MB: variants seen among roughly 807,000 people sequenced by gnomAD.
MB encodes the protein nitrite reductase MB.
MB carries 10 observed loss-of-function variants against 14.5 expected under a neutral mutation model. That is an observed-to-expected ratio of 0.69 (90% CI 0.43 to 1.17). The LOEUF is 1.17. MB is among the 50% of genes most tolerant of loss of function. The probability of loss-of-function intolerance (pLI) is 0.00; values close to 1 mark genes in which losing one functional copy is unlikely to be tolerated. For synonymous variants in MB, 89 were observed against 78.6 expected (o/e 1.13, Z -0.70); for missense variants, 169 against 192.7 (o/e 0.88, Z 0.73).
chr22:35,622,982 T>TG (rs1923565928), intron 1 of MB, among the ~76,000 whole-genome samples: 1 of 152,196 alleles, frequency 6.6e-6, no homozygotes, highest in Admixed American at 6.5e-5. Context: ...TCTCTTGCTT[T>TG]GGGGTGCACC....
chr22:35,616,289 A>G (rs927376516), intron 1 of MB, among the ~76,000 whole-genome samples: 3 of 152,150 alleles, frequency 2.0e-5, no homozygotes, highest in Non-Finnish European at 4.4e-5. Flanking sequence ...ATGAGCTTCT[A>G]TGTACAAACC....
chr22:35,622,086 G>T (rs534874575), upstream of MB: 1 of 152,302 alleles, frequency 6.6e-6, no homozygotes, highest in East Asian at 1.9e-4. Flanking sequence ...ATTCCCTTTG[G>T]TAAATCTGGG....
chr22:35,619,987 T>C (rs1045490490), upstream of MB, among the ~76,000 whole-genome samples: 1 of 152,132 alleles, frequency 6.6e-6, no homozygotes, highest in Non-Finnish European at 1.5e-5. Flanking sequence ...CCAGCCGACC[T>C]CCAAAGGCCC....
intron 1 of MB, among the ~76,000 whole-genome samples, chr22:35,613,342 G>A (rs1337200843): frequency 2.0e-5 from 3 of 152,156 alleles, no homozygotes; most frequent in East Asian, 1.9e-4. Context: ...GCTGAGTTCC[G>A]GTCCCAGTTC....
intron 1 of MB, among the ~76,000 whole-genome samples, chr22:35,612,379 G>A (rs1922695292): frequency 6.6e-6 from 1 of 152,136 alleles, no homozygotes; most frequent in Admixed American, 6.5e-5. Flanking sequence ...TCCTCAACCT[G>A]AAAATGAGTT....
chr22:35,616,082 A>T (rs910323487), intron 1 of MB, among the ~76,000 whole-genome samples: 3 of 152,204 alleles, frequency 2.0e-5, no homozygotes, highest in Admixed American at 6.5e-5. Flanking sequence ...CTCACAAATA[A>T]GGAGAAATTA....
chr22:35,612,236 A>T (rs1339781386), intron 1 of MB, among the ~76,000 whole-genome samples: 6 of 152,094 alleles, frequency 3.9e-5, no homozygotes, highest in Non-Finnish European at 8.8e-5. Flanking sequence ...AGTACACAGT[A>T]TGTATTGTGG....
intron 1 of MB, among the ~76,000 whole-genome samples, chr22:35,613,989 G>T (rs1488633343): frequency 6.6e-6 from 1 of 152,240 alleles, no homozygotes; most frequent in African/African-American, 2.4e-5. Flanking sequence ...CCCTCAGCCT[G>T]TGGAAATGGA....
intron 1 of MB, 128 bp downstream of exon 1, chr22:35,617,035 G>T: frequency 1.4e-6 from 1 of 694,928 alleles, no homozygotes; most frequent in South Asian, 1.7e-5. Flanking sequence ...AAAAGCAAGT[G>T]ACCGTTCTAA....
upstream of MB, among the ~76,000 whole-genome samples, chr22:35,618,830 C>T (rs1311922306): frequency 2.0e-5 from 3 of 151,414 alleles, no homozygotes; most frequent in Admixed American, 1.3e-4. Flanking sequence ...CACCCATCCC[C>T]TCATTCATCC....
At position 35,608,057 on chromosome 22, in the gene MB, G is replaced by A. The variant is rs45538131; in HGVS notation, c.319-614C>T. 8.6e-3 allele frequency among the ~76,000 whole-genome samples: 1,304 copies of A among 152,274 alleles called. 7 individuals are homozygous for A. Among genetic ancestry groups the A allele is most frequent in the Non-Finnish European group, 0.013 (877 of 68,014 alleles). ...GAGGAAGAAGACAGGGATGAGGCCCGCGGCTGGCTCCCAGGATGGAGAATG... is the reference window on the plus strand; with the variant it reads ...GAGGAAGAAGACAGGGATGAGGCCCACGGCTGGCTCCCAGGATGGAGAATG... On this transcript the variant is annotated intron_variant, in intron 2 of 2. Transcript: ENST00000397326. This position sits in a 1 kb window ranked among gnomAD's most constrained non-coding sequence, Gnocchi z 4.3.
chr22:35,621,361 C>A (rs576352848), upstream of MB, among the ~76,000 whole-genome samples: 10 of 152,254 alleles, frequency 6.6e-5, no homozygotes, highest in African/African-American at 2.4e-4. Context: ...TAGAATCATC[C>A]TCAAGGCTCC....
At chr22:35,610,009 T>C (rs1369272723) in intron 2 of MB, among the ~76,000 whole-genome samples, 1 of 152,190 alleles carries the variant, frequency 6.6e-6, no homozygotes, top group Non-Finnish European at 1.5e-5. Flanking sequence ...ACTTTGAGGA[T>C]GGATGCCATG....
intron 1 of MB, chr22:35,616,939 C>A: frequency 3.7e-6 from 2 of 540,802 alleles, no homozygotes; most frequent in South Asian, 4.8e-5. Flanking sequence ...AGGTTTGATT[C>A]TCATGCTTCC....
chr22:35,613,740 T>C (rs2179870), intron 1 of MB, among the ~76,000 whole-genome samples: 102,306 of 152,030 alleles, frequency 0.67, 36,039 homozygotes, highest in East Asian at 0.93. Flanking sequence ...CTCAAGCGAT[T>C]CCCCGATCCT....
Position 35,611,014 on chromosome 22 carries a change from T to C in MB, c.188A>G (p.Lys63Arg). ...GGTGAGCACGGTGGCACCATGCTTC[T>C]TTAAGTCCTCAGACGCCTTCATCTC... is the stretch of plus-strand genomic sequence containing the variant. ...EDEMKASEDL[K>R]KHGATVLTAL... The change falls in exon 2 of 3, where the codon AAG becomes AGG. Residue 63 changes from lysine (K) to arginine (R), a missense_variant. Transcript: ENST00000397326. 6.2e-7 allele frequency: 1 copy of C among 1,614,174 alleles called. No homozygotes were observed. Among genetic ancestry groups the C allele is most frequent in the Non-Finnish European group, 8.5e-7 (1 of 1,179,998 alleles).
chr22:35,616,800 T>C (rs1384800114), intron 1 of MB, among the ~76,000 whole-genome samples: 1 of 152,184 alleles, frequency 6.6e-6, no homozygotes, highest in Non-Finnish European at 1.5e-5. Flanking sequence ...TCTGGAAATG[T>C]CCTCCCCTTC....
At chr22:35,614,734 CCATTAT>C (rs58036134) in intron 1 of MB, among the ~76,000 whole-genome samples, 99,206 of 150,548 alleles carry the variant, frequency 0.66, 34,464 homozygotes, top group East Asian at 0.93. Flanking sequence ...ATCATCTCTA[CCATTAT>C]CATTATCATT....
upstream of MB, among the ~76,000 whole-genome samples, chr22:35,621,013 TG>T (rs2145928259): frequency 6.6e-6 from 1 of 152,350 alleles, no homozygotes; most frequent in African/African-American, 2.4e-5. Context: ...GACATCTGTT[TG>T]TACTCACACA....
Sources: gnomAD v4.1 joint callset for allele counts (sites outside exome capture counted in the v4.1 genomes callset) on GRCh38, gnomAD v4.1.1 for gene constraint, Gnocchi (gnomAD v3.1) non-coding constraint, MANE v1.5 for transcripts, NCBI Gene and HGNC (gene_info 2026-07-23, HGNC 2026-07-21) for gene names.